The following NOTCH2NLC variants were observed in gnomAD, a reference collection of about 807,000 sequenced individuals.
The protein encoded by NOTCH2NLC is notch 2 N-terminal like C, also known as notch homolog 2 N-terminal-like protein C.
Under a neutral mutation model 17.7 loss-of-function variants are expected in NOTCH2NLC, and 4 were observed. The observed-to-expected ratio is 0.23, with a 90% confidence interval of 0.11 to 0.52. NOTCH2NLC has a LOEUF of 0.52. NOTCH2NLC is among the 20% of genes least tolerant of loss of function. NOTCH2NLC has a pLI of 0.96. For synonymous variants in NOTCH2NLC, 18 were observed against 86.0 expected (o/e 0.21, Z 4.38); for missense variants, 57 against 207.2 (o/e 0.28, Z 4.45).
rs1459335407 is a variant in NOTCH2NLC, at chr1:149,470,721, CCAT to C, written c.*6574_*6576del. On this transcript the variant is annotated 3_prime_UTR_variant, in exon 5 of 5. Coordinates refer to ENST00000650865, the MANE Select transcript of NOTCH2NLC (RefSeq NM_001364013.2). ...TACCACATTTTATCATTTTATTTAT[CCAT>C]CATCAGTTGATTGACATTTGAGTTG... Among the ~76,000 whole-genome samples, 15 of 120,544 alleles carry C rather than the reference CCAT, an allele frequency of 1.2e-4. No individual in the cohort carries two copies. The highest frequency in any genetic ancestry group is 3.4e-4 in the African/African-American group (11 of 32,298). 79.1% of individuals were successfully genotyped at this position (120,544 alleles called of 152,430 possible). A position where few individuals can be genotyped will look rare whatever the true frequency, so the allele number is the denominator to read the frequency against.
intron 1 of NOTCH2NLC, among the ~76,000 whole-genome samples, chr1:149,423,221 C>T (rs1421514233): frequency 2.0e-5 from 3 of 148,776 alleles, no homozygotes; most frequent in Non-Finnish European, 3.0e-5. Flanking sequence ...AAAACAAAAT[C>T]GATTTATCTC....
chr1:149,460,379 A>G (rs1220979013), intron 3 of NOTCH2NLC, among the ~76,000 whole-genome samples: 151 of 112,902 alleles, frequency 1.3e-3, no homozygotes, highest in Middle Eastern at 8.8e-3. Context: ...TTGCTTTGTC[A>G]TCCAGGCTGG....
intron 1 of NOTCH2NLC, among the ~76,000 whole-genome samples, chr1:149,426,515 T>G (rs1321610788): frequency 7.4e-6 from 1 of 134,482 alleles, no homozygotes; most frequent in Non-Finnish European, 1.6e-5. Flanking sequence ...GGCTTCTAGA[T>G]TTTTGTATTA....
At chr1:149,449,285 A>T (rs2101503244) in intron 2 of NOTCH2NLC, among the ~76,000 whole-genome samples, 1 of 150,704 alleles carries the variant, frequency 6.6e-6, no homozygotes, top group Non-Finnish European at 1.5e-5. Flanking sequence ...TAGCTATCAA[A>T]TGCTTAGCAA....
At chr1:149,408,628 A>G (rs2084282242) in intron 1 of NOTCH2NLC, among the ~76,000 whole-genome samples, 1 of 151,400 alleles carries the variant, frequency 6.6e-6, no homozygotes, top group African/African-American at 2.4e-5. Flanking sequence ...TATGATGGCT[A>G]AAATTTTAAC....
intron 3 of NOTCH2NLC, among the ~76,000 whole-genome samples, chr1:149,460,219 A>T (rs1269008462): frequency 6.8e-6 from 1 of 147,980 alleles, no homozygotes; most frequent in Non-Finnish European, 1.5e-5. Flanking sequence ...AAATATTTTA[A>T]TTCTGGCTAG....
Position 149,467,414 on chromosome 1 carries a change from C to T in NOTCH2NLC, c.*3261C>T, listed in dbSNP as rs1443147967. 2 of 145,294 alleles carry T rather than the reference C, an allele frequency of 1.4e-5. 1 individual carries two copies. Among genetic ancestry groups the T allele is most frequent in the East Asian group, 4.5e-4 (2 of 4,472 alleles). 9.0% of individuals were successfully genotyped at this position (145,294 alleles called of 1,614,324 possible). On this transcript the variant is annotated 3_prime_UTR_variant, in exon 5 of 5. Transcript: ENST00000650865. Reference sequence around the variant, plus strand: ...TGTAGGACTCAAGAGGGAATTAAAACTACAAAAATGACGCGTCTTGTATGA... The same window carrying T: ...TGTAGGACTCAAGAGGGAATTAAAATTACAAAAATGACGCGTCTTGTATGA...
chr1:149,409,475 G>T (rs1175161525), intron 1 of NOTCH2NLC, among the ~76,000 whole-genome samples: 6 of 149,354 alleles, frequency 4.0e-5, no homozygotes, highest in African/African-American at 9.8e-5. Context: ...ATTTAGGGAA[G>T]TTGTAACTAG....
chr1:149,414,542 T>C (rs2084319712), intron 1 of NOTCH2NLC, among the ~76,000 whole-genome samples: 1 of 151,166 alleles, frequency 6.6e-6, no homozygotes, highest in Non-Finnish European at 1.5e-5. Context: ...AAGAAAAACA[T>C]TTTTAAAGCA....
At chr1:149,400,049 A>G (rs1445141033) in intron 1 of NOTCH2NLC, among the ~76,000 whole-genome samples, 1 of 148,198 alleles carries the variant, frequency 6.7e-6, no homozygotes, top group Non-Finnish European at 1.5e-5. Context: ...TCATGCTGCC[A>G]TTAATTTTTT....
rs1296479492 is a variant in NOTCH2NLC, at chr1:149,470,047, C to T, written c.*5894C>T. On this transcript the variant is annotated 3_prime_UTR_variant, in exon 5 of 5. Transcript: ENST00000650865. Reference sequence around the variant, plus strand: ...TTTTCTCAGACATGGGAACTTTTGACCTAAGTTTGTATTTTACATTGTTGA... The same window carrying T: ...TTTTCTCAGACATGGGAACTTTTGATCTAAGTTTGTATTTTACATTGTTGA... 6.6e-6 allele frequency among the ~76,000 whole-genome samples: 1 copy of T among 151,940 alleles called. No homozygotes were observed. The highest frequency in any genetic ancestry group is 1.5e-5 in the Non-Finnish European group (1 of 67,878).
intron 1 of NOTCH2NLC, among the ~76,000 whole-genome samples, chr1:149,412,293 G>T (rs2084302481): frequency 6.9e-6 from 1 of 145,162 alleles, no homozygotes; most frequent in Non-Finnish European, 1.5e-5. Flanking sequence ...GGGAAAAAAG[G>T]GTAGAATAGA....
chr1:149,413,464 T>A (rs1341283405), intron 1 of NOTCH2NLC, among the ~76,000 whole-genome samples: 2 of 151,268 alleles, frequency 1.3e-5, no homozygotes, highest in African/African-American at 4.8e-5. Context: ...CATGTTCTGC[T>A]GTGCTTGAAG....
At chr1:149,404,318 C>T (rs2084256015) in intron 1 of NOTCH2NLC, among the ~76,000 whole-genome samples, 1 of 151,114 alleles carries the variant, frequency 6.6e-6, no homozygotes, top group African/African-American at 2.4e-5. Flanking sequence ...AAAAATATCC[C>T]ATTGTCTTTT....
chr1:149,449,833 T>G (rs2084581339), intron 2 of NOTCH2NLC, among the ~76,000 whole-genome samples: 1 of 151,234 alleles, frequency 6.6e-6, no homozygotes, highest in African/African-American at 2.4e-5. Context: ...TAATCTACTT[T>G]TTATCTCTAC....
Position 149,429,100 on chromosome 1 carries a change from GACA to G in NOTCH2NLC, c.136-1837_136-1835del, listed in dbSNP as rs1444604233. On this transcript the variant is annotated intron_variant, in intron 1 of 4. Transcript: ENST00000650865. ...GAGCCTTACAGGGAAGTGGGATATG[GACA>G]ACAAGATGACCCTCTTCCTGAATTT... Among the ~76,000 whole-genome samples the G allele has an allele frequency of 1.9e-4, 28 of 144,078 alleles. 1 individual carries two copies. Among genetic ancestry groups the G allele is most frequent in the Admixed American group, 1.4e-4 (2 of 14,518 alleles). 94.5% of individuals were successfully genotyped at this position (144,078 alleles called of 152,430 possible). A position where few individuals can be genotyped will look rare whatever the true frequency, so the allele number is the denominator to read the frequency against.
intron 1 of NOTCH2NLC, among the ~76,000 whole-genome samples, chr1:149,405,535 G>C (rs1177927998): frequency 6.8e-6 from 1 of 146,188 alleles, no homozygotes; most frequent in Admixed American, 6.8e-5. Context: ...CCTCTTTCCT[G>C]ATCCAAAGCC....
intron 2 of NOTCH2NLC, among the ~76,000 whole-genome samples, chr1:149,435,932 T>C (rs1286286316): frequency 2.0e-5 from 3 of 149,870 alleles, no homozygotes; most frequent in Non-Finnish European, 4.5e-5. Flanking sequence ...TAAATGTGGG[T>C]TTCATATAGT....
At chr1:149,428,769 A>G (rs1357506646) in intron 1 of NOTCH2NLC, among the ~76,000 whole-genome samples, 12 of 149,012 alleles carry the variant, frequency 8.1e-5, no homozygotes, top group African/African-American at 2.7e-4. Flanking sequence ...GGGTACAGAC[A>G]GGATTTCAGG....
Sources: gnomAD v4.1 joint callset for allele counts (sites outside exome capture counted in the v4.1 genomes callset) on GRCh38, gnomAD v4.1.1 for gene constraint, MANE v1.5 for transcripts, NCBI Gene and HGNC (gene_info 2026-07-23, HGNC 2026-07-21) for gene names.